CREBBP: variants seen among roughly 807,000 people sequenced by gnomAD.
The protein encoded by CREBBP is CREB binding lysine acetyltransferase, also known as CREB-binding protein.
Under a neutral mutation model 265.0 loss-of-function variants are expected in CREBBP, and 19 were observed. That is an observed-to-expected ratio of 0.07 (90% CI 0.05 to 0.11). The LOEUF (loss-of-function observed/expected upper bound fraction) is 0.11. CREBBP is among the 10% of genes least tolerant of loss of function. The pLI is 1.00. For synonymous variants in CREBBP, 1,457 were observed against 1,223.7 expected (o/e 1.19, Z -3.98); for missense variants, 2,525 against 3,219.0 (o/e 0.78, Z 5.22).
Position 3,758,772 on chromosome 16 carries a change from T to A in CREBBP, c.3369+82A>T, listed in dbSNP as rs2052643662. On this transcript the variant is annotated intron_variant, in intron 17 of 30. Transcript: ENST00000262367. Reference sequence around the variant, plus strand: ...AATCTTCAAGGCAGGGGGATTATTTTATCTAATTTCAAGAGATAAAACAAT... The same window carrying A: ...AATCTTCAAGGCAGGGGGATTATTTAATCTAATTTCAAGAGATAAAACAAT... 11 of 1,058,144 alleles carry A rather than the reference T, an allele frequency of 1.0e-5. No homozygotes were observed. The South Asian group carries it at 1.4e-4, about 13-fold the overall frequency. 65.5% of individuals were successfully genotyped at this position (1,058,144 alleles called of 1,614,324 possible).
Position 3,727,630 on chromosome 16 carries a change from A to G in CREBBP, c.*88T>C. ...TCCATGGCTCGGAAGTCGCAGTTCC[A>G]TCTAGGAATAAAAAGAACCTAGATG... On this transcript the variant is annotated 3_prime_UTR_variant, in exon 31 of 31. Coordinates refer to ENST00000262367, the MANE Select transcript of CREBBP (RefSeq NM_004380.3). 1.9e-6 allele frequency: 3 copies of G among 1,611,334 alleles called. No individual in the cohort carries two copies. Among genetic ancestry groups the G allele is most frequent in the Non-Finnish European group, 2.5e-6 (3 of 1,179,228 alleles).
chr16:3,821,204 T>A (rs900015404), intron 2 of CREBBP, among the ~76,000 whole-genome samples: 2 of 152,218 alleles, frequency 1.3e-5, no homozygotes, highest in Non-Finnish European at 2.9e-5. Flanking sequence ...AAAAATCTGA[T>A]GACATTTTTT....
chr16:3,872,464 G>A (rs2055320175), intron 1 of CREBBP, among the ~76,000 whole-genome samples: 1 of 152,182 alleles, frequency 6.6e-6, no homozygotes, highest in South Asian at 2.1e-4. Flanking sequence ...GCCCCCACAG[G>A]CACTGCTCCC....
At position 3,773,738 on chromosome 16, in the gene CREBBP, T is replaced by C. The variant is rs1446048239; in HGVS notation, c.2463+13A>G. On this transcript the variant is annotated intron_variant, in intron 13 of 30. Transcript: ENST00000262367. ...ATTTCCTAGGGAGCCACGGTCCCAG[T>C]GGGGCACAGTACCTGTGACACGCCT... 6.2e-7 allele frequency: 1 copy of C among 1,612,896 alleles called. No individual in the cohort carries two copies. Among genetic ancestry groups the C allele is most frequent in the Admixed American group, 1.7e-5 (1 of 59,962 alleles).
In CREBBP at chr16:3,776,680, A is replaced by G. The variant is rs140859791; in HGVS notation, c.2158+933T>C. Among the ~76,000 whole-genome samples, 138 of 152,180 alleles carry G rather than the reference A, an allele frequency of 9.1e-4. 3 individuals carry two copies. In the East Asian group the frequency reaches 0.023, roughly 25 times the overall value. On this transcript the variant is annotated intron_variant, in intron 11 of 30. Transcript: ENST00000262367. Reference sequence around the variant, plus strand: ...GGTGCTTCTTTCTCGGACTCTTCCTAAGAGTAACGTACCACACCCCCTTCA... The same window carrying G: ...GGTGCTTCTTTCTCGGACTCTTCCTGAGAGTAACGTACCACACCCCCTTCA...
At chr16:3,772,851 CCT>C (rs2053045511) in intron 13 of CREBBP, among the ~76,000 whole-genome samples, 1 of 148,902 alleles carries the variant, frequency 6.7e-6, no homozygotes. Flanking sequence ...GGGTGGATCA[CCT>C]GAGGTCAGGA....
At chr16:3,849,729 A>C (rs1379680113) in intron 2 of CREBBP, among the ~76,000 whole-genome samples, 1 of 151,620 alleles carries the variant, frequency 6.6e-6, no homozygotes, top group Non-Finnish European at 1.5e-5. Context: ...TCAATAAAGA[A>C]GTCTGCATTT....
chr16:3,745,198 T>G, intron 22 of CREBBP, 79 bp downstream of exon 22: 1 of 1,259,666 alleles, frequency 7.9e-7, no homozygotes, highest in Non-Finnish European at 1.1e-6. Context: ...CAACAATGAA[T>G]GAGATGCAGT....
chr16:3,874,907 T>C (rs1264944894), intron 1 of CREBBP, among the ~76,000 whole-genome samples: 5 of 152,250 alleles, frequency 3.3e-5, no homozygotes, highest in Admixed American at 2.0e-4. Context: ...GACAAGCTTT[T>C]GCAATCTTCA....
At chr16:3,837,112 C>T (rs552974387) in intron 2 of CREBBP, among the ~76,000 whole-genome samples, 12 of 152,264 alleles carry the variant, frequency 7.9e-5, no homozygotes, top group African/African-American at 2.2e-4. Flanking sequence ...GTCCTTCAGG[C>T]GGTATTCCAG....
chr16:3,740,821 T>C (rs759416301), intron 23 of CREBBP: 24 of 476,536 alleles, frequency 5.0e-5, no homozygotes, highest in East Asian at 4.6e-4. Context: ...AGAAGACCTA[T>C]AGCGGTGGGT....
At chr16:3,875,301 C>A (rs1053184285) in intron 1 of CREBBP, among the ~76,000 whole-genome samples, 1 of 152,238 alleles carries the variant, frequency 6.6e-6, no homozygotes, top group Non-Finnish European at 1.5e-5. Flanking sequence ...ACCGCTCTCA[C>A]CCCTCTCAGT....
chr16:3,850,672 A>C lies in CREBBP; in HGVS notation c.423T>G (p.Ser141=), dbSNP rs760605470. 2.8e-5 allele frequency: 46 copies of C among 1,614,086 alleles called. No individual in the cohort carries two copies. The highest frequency in any genetic ancestry group is 5.0e-5 in the Admixed American group (3 of 60,004). Residue 141 remains serine, a synonymous_variant, in exon 2 of 31, where the codon TCT becomes TCG. Coordinates refer to ENST00000262367, the MANE Select transcript of CREBBP (RefSeq NM_004380.3). ...PSLPKQAAST[S]GPTPAASQAL... is the part of the protein sequence containing the mutation. The stretch of plus-strand genomic sequence containing the variant: ...CTTGGGAGGCAGCGGGGGTGGGCCC[A>C]GAGGTGCTGGCTGCCTGTTTAGGCA...
At position 3,769,193 on chromosome 16, in the gene CREBBP, T is replaced by C. The variant is rs1169315309; in HGVS notation, c.3041A>G (p.Lys1014Arg). Residue 1014 changes from lysine (K) to arginine (R), a missense_variant, in exon 15 of 31, where the codon AAA becomes AGA. Physicochemically the swap from Lys to Arg is conservative, Grantham distance 26. Transcript: ENST00000262367. The stretch of plus-strand genomic sequence containing the variant: ...ACCCACCTCAGACCTGGGCTCCCCT[T>C]TGGATTCACCAGGATCGGGCTCAGT... ...EDTEPDPGESKGEPRSEMMEE... is the reference protein window; with the variant it reads ...EDTEPDPGESRGEPRSEMMEE... The C allele has an allele frequency of 3.7e-6, 6 of 1,614,030 alleles. No individual in the cohort carries two copies. The African/African-American group carries it at 4.0e-5, about 11-fold the overall frequency.
At chr16:3,851,157 G>A (rs1045191944) in intron 1 of CREBBP, 148 bp from the exon 2 acceptor site, 20 of 722,970 alleles carry the variant, frequency 2.8e-5, no homozygotes, top group African/African-American at 3.5e-5. Flanking sequence ...GTGTGGTAGC[G>A]CATGCCTGTA....
intron 1 of CREBBP, among the ~76,000 whole-genome samples, chr16:3,877,752 T>C (rs960856545): frequency 7.2e-5 from 11 of 152,230 alleles, no homozygotes; most frequent in Admixed American, 2.0e-4. Flanking sequence ...TGGTCCCCCA[T>C]ACTAACAGAC....
At position 3,770,641 on chromosome 16, in the gene CREBBP, G is replaced by A. The variant is rs752062116; in HGVS notation, c.2809C>T (p.Pro937Ser). The change falls in exon 14 of 31, where the codon CCG becomes TCG. Residue 937 changes from proline to serine, a missense_variant. Coordinates refer to ENST00000262367, the MANE Select transcript of CREBBP (RefSeq NM_004380.3). Reference protein sequence around the residue: ...TPQPQTPVQPPSVATPQSSQQ... With the variant: ...TPQPQTPVQPSSVATPQSSQQ... ...GATGACTGAGGGGTAGCCACAGACGGGGGCTGAACTGGGGTTTGAGGCTGC... is the reference window on the plus strand; with the variant it reads ...GATGACTGAGGGGTAGCCACAGACGAGGGCTGAACTGGGGTTTGAGGCTGC... The A allele has an allele frequency of 6.2e-7, 1 of 1,614,008 alleles. No individual in the cohort carries two copies. The highest frequency in any genetic ancestry group is 1.1e-5 in the South Asian group (1 of 91,078).
At chr16:3,874,197 C>T (rs951437594) in intron 1 of CREBBP, among the ~76,000 whole-genome samples, 2 of 152,232 alleles carry the variant, frequency 1.3e-5, no homozygotes, top group African/African-American at 4.8e-5. Flanking sequence ...ATCCATATAA[C>T]TGTTACAGAG....
At chr16:3,827,540 C>T (rs957108833) in intron 2 of CREBBP, among the ~76,000 whole-genome samples, 9 of 151,764 alleles carry the variant, frequency 5.9e-5, no homozygotes, top group East Asian at 1.9e-4. Flanking sequence ...TACAGGCGCC[C>T]GCCACCACGC....
Sources: gnomAD v4.1 joint callset for allele counts (sites outside exome capture counted in the v4.1 genomes callset) on GRCh38, gnomAD v4.1.1 for gene constraint, MANE v1.5 for transcripts, NCBI Gene and HGNC (gene_info 2026-07-23, HGNC 2026-07-21) for gene names.